STX5: variants seen among roughly 807,000 people sequenced by gnomAD.
STX5 encodes the protein syntaxin 5, also known as syntaxin-5.
STX5 carries 15 observed loss-of-function variants against 42.9 expected under a neutral mutation model. The observed-to-expected ratio is 0.35, with a 90% confidence interval of 0.23 to 0.54. STX5 has a LOEUF of 0.54. Ranked by LOEUF, STX5 falls within the 20% of genes least tolerant of loss-of-function variation. STX5 has a pLI of 0.91. For synonymous variants in STX5, 184 were observed against 173.2 expected (o/e 1.06, Z -0.49); for missense variants, 430 against 455.0 (o/e 0.95, Z 0.50).
chr11:62,815,729 G>T (rs1351899535), intron 10 of STX5, among the ~76,000 whole-genome samples: 5 of 151,912 alleles, frequency 3.3e-5, no homozygotes, highest in African/African-American at 1.2e-4. Flanking sequence ...TAGAGATGGG[G>T]TTTCTCCATG....
intron 2 of STX5, 103 bp from the exon 3 acceptor site, chr11:62,827,734 C>A (rs2084812171): frequency 9.3e-6 from 11 of 1,179,208 alleles, no homozygotes; most frequent in Non-Finnish European, 1.2e-5. Context: ...GTGCTGGTGG[C>A]ATCCATCAGA....
chr11:62,826,090 T>G (rs1268557271), intron 5 of STX5, among the ~76,000 whole-genome samples: 1 of 152,116 alleles, frequency 6.6e-6, no homozygotes, highest in Non-Finnish European at 1.5e-5. Context: ...CCATCTCTAC[T>G]AAAAATACCA....
At chr11:62,809,673 CAAA>C (rs749188946) in intron 10 of STX5, among the ~76,000 whole-genome samples, 1,020 of 18,106 alleles carry the variant, frequency 0.056, 1 homozygote, top group South Asian at 0.19. Context: ...GACTCTGTCT[CAAA>C]AAAAAAAAAA....
chr11:62,815,748 G>A (rs1206789528), intron 10 of STX5, among the ~76,000 whole-genome samples: 3 of 151,864 alleles, frequency 2.0e-5, no homozygotes, highest in Non-Finnish European at 4.4e-5. Context: ...TGTTGGCCAG[G>A]CTGGTCTCAA....
At chr11:62,813,026 C>A (rs537179642) in intron 10 of STX5, among the ~76,000 whole-genome samples, 5 of 147,696 alleles carry the variant, frequency 3.4e-5, no homozygotes, top group African/African-American at 1.3e-4. Flanking sequence ...GCAGAAGAAT[C>A]ATTTGAACCC....
intron 10 of STX5, among the ~76,000 whole-genome samples, chr11:62,809,673 C>CAA (rs749188946): frequency 0.075 from 1,432 of 19,148 alleles, 328 homozygotes; most frequent in Non-Finnish European, 0.1. Flanking sequence ...GACTCTGTCT[C>CAA]AAAAAAAAAA....
chr11:62,807,863 T>G (rs749651396), intron 10 of STX5: 5 of 665,078 alleles, frequency 7.5e-6, no homozygotes, highest in Non-Finnish European at 1.2e-5. Context: ...AGCTTCATTT[T>G]CCTCACCGGC....
chr11:62,819,482 G>T (rs2084714898), intron 10 of STX5, among the ~76,000 whole-genome samples: 1 of 151,888 alleles, frequency 6.6e-6, no homozygotes, highest in Non-Finnish European at 1.5e-5. Flanking sequence ...CTATTACCAA[G>T]TCTTCCTCTT....
intron 10 of STX5, among the ~76,000 whole-genome samples, chr11:62,811,119 T>A (rs2084612432): frequency 6.6e-6 from 1 of 152,064 alleles, no homozygotes; most frequent in African/African-American, 2.4e-5. Flanking sequence ...ATTCTTCCCT[T>A]CTCTACATAC....
intron 10 of STX5, among the ~76,000 whole-genome samples, chr11:62,814,391 C>G (rs2084650103): frequency 6.6e-6 from 1 of 152,008 alleles, no homozygotes; most frequent in Non-Finnish European, 1.5e-5. Context: ...GAACTCCCGA[C>G]CTTAGGTGAT....
chr11:62,820,051 G>A (rs1590969499), intron 10 of STX5, among the ~76,000 whole-genome samples: 2 of 151,686 alleles, frequency 1.3e-5, no homozygotes, highest in African/African-American at 4.8e-5. Context: ...GAGTTTAGGA[G>A]ACAGGTCTGG....
rs112244373 is a variant in STX5, at chr11:62,830,885, C to T, written c.225+134G>A. Reference sequence around the variant, plus strand: ...CTCTTCTCTGTTGCTTATAGCAGACCCTACAGGCCCCATCCAAGCCTATCA... The same window carrying T: ...CTCTTCTCTGTTGCTTATAGCAGACTCTACAGGCCCCATCCAAGCCTATCA... On this transcript the variant is annotated intron_variant, in intron 2 of 10. Coordinates refer to ENST00000294179, the MANE Select transcript of STX5 (RefSeq NM_003164.5). 9.3e-4 allele frequency: 798 copies of T among 859,590 alleles called. 2 individuals carry two copies. Among genetic ancestry groups the T allele is most frequent in the Non-Finnish European group, 1.4e-3 (708 of 521,790 alleles). 53.2% of individuals were successfully genotyped at this position (859,590 alleles called of 1,614,324 possible).
At chr11:62,824,780 T>C (rs923779897) in intron 8 of STX5, among the ~76,000 whole-genome samples, 16 of 151,934 alleles carry the variant, frequency 1.1e-4, no homozygotes, top group Admixed American at 4.6e-4. Flanking sequence ...AATGAGAGAA[T>C]GTGAATAAAG....
In STX5 at chr11:62,827,743, G is replaced by C. The variant is rs373519444; in HGVS notation, c.226-112C>G. 19 of 1,088,322 alleles carry C rather than the reference G, an allele frequency of 1.7e-5. No individual in the cohort carries two copies. In the African/African-American group the frequency reaches 2.3e-4, roughly 13 times the overall value. 67.4% of individuals were successfully genotyped at this position (1,088,322 alleles called of 1,614,324 possible). A position where few individuals can be genotyped will look rare whatever the true frequency, so the allele number is the denominator to read the frequency against. ...TCTCTAGTGCTGGTGGCATCCATCA[G>C]ATGATCTAGATTTATGAGTGGTAGT... is the stretch of plus-strand genomic sequence containing the variant. On this transcript the variant is annotated intron_variant, in intron 2 of 10. Transcript: ENST00000294179.
chr11:62,822,445 C>T (rs961872135), intron 10 of STX5, among the ~76,000 whole-genome samples: 1 of 152,182 alleles, frequency 6.6e-6, no homozygotes. Context: ...CCCAAGAGGT[C>T]TCACAGTTCC....
intron 10 of STX5, among the ~76,000 whole-genome samples, chr11:62,816,220 A>C (rs1467926411): frequency 6.6e-6 from 1 of 152,234 alleles, no homozygotes; most frequent in Non-Finnish European, 1.5e-5. Context: ...TGTTGAATGT[A>C]GGTTGCAGCT....
chr11:62,807,835 T>A, intron 10 of STX5: 1 of 879,300 alleles, frequency 1.1e-6, no homozygotes, highest in Non-Finnish European at 1.6e-6. Flanking sequence ...CTTAAGACTC[T>A]AAGTTAGTCT....
At chr11:62,815,967 A>C (rs946446126) in intron 10 of STX5, 2 of 152,302 alleles carry the variant, frequency 1.3e-5, no homozygotes, top group African/African-American at 4.8e-5. Flanking sequence ...CAGGTAATAA[A>C]AAATACAGAA....
intron 10 of STX5, among the ~76,000 whole-genome samples, chr11:62,813,366 A>G (rs1333278280): frequency 2.0e-5 from 3 of 152,202 alleles, no homozygotes; most frequent in African/African-American, 7.2e-5. Context: ...GGTGCTCAAC[A>G]TATAGTAGTT....
Sources: gnomAD v4.1 joint callset for allele counts (sites outside exome capture counted in the v4.1 genomes callset) on GRCh38, gnomAD v4.1.1 for gene constraint, MANE v1.5 for transcripts, NCBI Gene and HGNC (gene_info 2026-07-23, HGNC 2026-07-21) for gene names.